The following GNB5 variants were observed in gnomAD, a reference collection of about 807,000 sequenced individuals.
The protein encoded by GNB5 is guanine nucleotide-binding protein subunit beta-5.
Under a neutral mutation model 55.3 loss-of-function variants are expected in GNB5, and 37 were observed. The observed-to-expected ratio is 0.67, with a 90% CI of 0.51 to 0.88. GNB5 has a LOEUF of 0.88. Among genes scored for constraint, GNB5 ranks in the 40% least tolerant of loss-of-function variants. The pLI is 0.00. For missense variants in GNB5, 476 were observed against 515.3 expected, an observed-to-expected ratio of 0.92 and a Z score of 0.74; for synonymous variants, 219 against 198.5, an observed-to-expected ratio of 1.10 and a Z score of -0.87.
chr15:52,183,333 T>TGGCG (rs1566951750), intron 2 of GNB5, among the ~76,000 whole-genome samples: 4 of 145,316 alleles, frequency 2.8e-5, no homozygotes, highest in African/African-American at 1.0e-4. Context: ...TAATAAATAA[T>TGGCG]GGGGGGGGGG....
chr15:52,116,349 C>G lies in GNB5; in HGVS notation c.*6408G>C, dbSNP rs151019848. The G allele has an allele frequency of 6.6e-5, 10 of 152,328 alleles. No homozygotes were observed. The highest frequency in any genetic ancestry group is 2.4e-4 in the African/African-American group (10 of 41,580). The allele number at this position is 152,328 out of a possible 1,614,324, so 9.4% of individuals were successfully genotyped here. A position where few individuals can be genotyped will look rare whatever the true frequency, so the allele number is the denominator to read the frequency against. ...TACATAAACGCTCATACCATACTTACGATTAGTTGTTTATGTGGGTTAAAT... is the reference window on the plus strand; with the variant it reads ...TACATAAACGCTCATACCATACTTAGGATTAGTTGTTTATGTGGGTTAAAT... On this transcript the variant is annotated 3_prime_UTR_variant, in exon 13 of 13. Transcript: ENST00000261837.
At chr15:52,136,126 A>AGGGAAAAG (rs2141194792) in intron 7 of GNB5, among the ~76,000 whole-genome samples, 1 of 80,572 alleles carries the variant, frequency 1.2e-5, no homozygotes, top group South Asian at 5.0e-4. Context: ...ACACACACAC[A>AGGGAAAAG]CACACACACA....
chr15:52,150,180 C>T (rs754740514), intron 4 of GNB5, among the ~76,000 whole-genome samples: 48 of 152,196 alleles, frequency 3.2e-4, no homozygotes, highest in Admixed American at 2.3e-3. Context: ...CAGGAAACAA[C>T]ACGCAGACAC....
intron 3 of GNB5, among the ~76,000 whole-genome samples, chr15:52,166,686 T>G (rs2034457666): frequency 6.6e-6 from 1 of 152,012 alleles, no homozygotes; most frequent in African/African-American, 2.4e-5. Flanking sequence ...GCTAAAGCAG[T>G]GTTAAGAGGG....
rs1244393187 is a variant in GNB5, at chr15:52,190,812, A to C, written c.-19+510T>G. Among the ~76,000 whole-genome samples the C allele has an allele frequency of 6.6e-5, 6 of 90,270 alleles. 1 individual carries two copies. Among genetic ancestry groups the C allele is most frequent in the African/African-American group, 1.2e-4 (3 of 25,738 alleles). The allele number at this position is 90,270 out of a possible 152,430, so 59.2% of individuals were successfully genotyped here. A position where few individuals can be genotyped will look rare whatever the true frequency, so the allele number is the denominator to read the frequency against. ...AAAAAAAAAAAAAAAAAAAAAAAAA[A>C]AAAAAACATAAATGTCATAGCAGCT... On this transcript the variant is annotated intron_variant, in intron 1 of 12. Coordinates refer to ENST00000261837, the MANE Select transcript of GNB5 (RefSeq NM_016194.4).
chr15:52,167,497 C>T (rs2034472754), intron 3 of GNB5, among the ~76,000 whole-genome samples: 1 of 152,066 alleles, frequency 6.6e-6, no homozygotes, highest in South Asian at 2.1e-4. Flanking sequence ...TGGTGAAACT[C>T]TGTCTCTACT....
intron 4 of GNB5, among the ~76,000 whole-genome samples, chr15:52,153,442 A>G (rs1194424436): frequency 6.6e-5 from 10 of 152,208 alleles, no homozygotes; most frequent in African/African-American, 2.4e-4. Flanking sequence ...CGAGATAATT[A>G]AGCTGCTAAA....
chr15:52,136,172 A>ACACCC (rs1168734914), intron 7 of GNB5, among the ~76,000 whole-genome samples: 15 of 100,114 alleles, frequency 1.5e-4, no homozygotes, highest in South Asian at 6.7e-4. Context: ...ACACACACAC[A>ACACCC]CCCTACCTGC....
chr15:52,139,938 G>A, intron 7 of GNB5: 1 of 1,285,746 alleles, frequency 7.8e-7, no homozygotes, highest in Non-Finnish European at 1.0e-6. Flanking sequence ...CCTTCATCCA[G>A]CCTAAATGTC....
At chr15:52,187,585 G>A (rs2034863300) in intron 1 of GNB5, among the ~76,000 whole-genome samples, 1 of 152,140 alleles carries the variant, frequency 6.6e-6, no homozygotes. Context: ...TAGAGGCAAT[G>A]TTTTTCTTCT....
intron 9 of GNB5, among the ~76,000 whole-genome samples, chr15:52,132,631 T>G (rs8036771): frequency 0.19 from 27,874 of 145,676 alleles, 3,108 homozygotes; most frequent in African/African-American, 0.29. Flanking sequence ...CACCATGCCC[T>G]GCTAATTTTT....
chr15:52,126,044 ACT>A lies in GNB5; in HGVS notation c.913-2_913-1del. On this transcript the variant is annotated splice_acceptor_variant, in intron 10 of 12. Coordinates refer to ENST00000261837, the MANE Select transcript of GNB5 (RefSeq NM_016194.4). LOFTEE classifies it high-confidence loss of function. Reference sequence around the variant, plus strand: ...TCTGCCCGCAGGTCATAGAGGCGACACTGGGGAGCAAATAAATAAAGAAGCAC... The same window carrying A: ...TCTGCCCGCAGGTCATAGAGGCGACAGGGGAGCAAATAAATAAAGAAGCAC... 1 of 1,473,630 alleles carries A rather than the reference ACT, an allele frequency of 6.8e-7. No homozygotes were observed. Among genetic ancestry groups the A allele is most frequent in the East Asian group, 2.3e-5 (1 of 44,148 alleles). 91.3% of individuals were successfully genotyped at this position (1,473,630 alleles called of 1,614,324 possible).
In GNB5 at chr15:52,179,755, G is replaced by C. The variant is rs1385418928; in HGVS notation, c.238+13C>G. 7.7e-7 allele frequency: 1 copy of C among 1,305,140 alleles called. No individual in the cohort carries two copies. 80.8% of individuals were successfully genotyped at this position (1,305,140 alleles called of 1,614,324 possible). ...GTCCGGCTTGCCCCGCCCGCCTCCC[G>C]GCCCGCACTCACGCTCCACATCGTG... On this transcript the variant is annotated intron_variant, in intron 3 of 12. Transcript: ENST00000261837.
intron 3 of GNB5, among the ~76,000 whole-genome samples, chr15:52,161,736 C>A (rs1021939824): frequency 6.6e-6 from 1 of 152,222 alleles, no homozygotes; most frequent in African/African-American, 2.4e-5. Context: ...CAGAAGAGAC[C>A]TGAATGACTC....
intron 9 of GNB5, chr15:52,128,627 C>T (rs2033490874): frequency 4.0e-6 from 2 of 499,044 alleles, no homozygotes; most frequent in Admixed American, 4.6e-5. Context: ...TGGATGTCTG[C>T]ACTGACCATT....
Position 52,117,102 on chromosome 15 carries a change from A to ATATATATATATATTTTTTT in GNB5, c.*5654_*5655insAAAAAAATATATATATATA. The ATATATATATATATTTTTTT allele has an allele frequency of 2.3e-5, 2 of 87,100 alleles. No individual in the cohort carries two copies. The highest frequency in any genetic ancestry group is 6.1e-5 in the African/African-American group (1 of 16,418). 5.4% of individuals were successfully genotyped at this position (87,100 alleles called of 1,614,324 possible). On this transcript the variant is annotated 3_prime_UTR_variant, in exon 13 of 13. Coordinates refer to ENST00000261837, the MANE Select transcript of GNB5 (RefSeq NM_016194.4). ...CCACGCCCAGCTAATATATATATAT[A>ATATATATATATATTTTTTT]TTTTTTTTTAGTACAGACAGGGTTT...
intron 7 of GNB5, chr15:52,137,442 G>A (rs920617228): frequency 3.9e-6 from 4 of 1,017,794 alleles, no homozygotes; most frequent in African/African-American, 3.4e-5. Context: ...AGGTGAGCCC[G>A]TTCACAGGTG....
intron 5 of GNB5, among the ~76,000 whole-genome samples, chr15:52,148,514 G>A (rs2034024614): frequency 6.6e-6 from 1 of 152,206 alleles, no homozygotes; most frequent in African/African-American, 2.4e-5. Context: ...ACCAGGACCA[G>A]GGTCCACGTC....
chr15:52,175,258 C>A (rs1938829891), intron 3 of GNB5, among the ~76,000 whole-genome samples: 1 of 152,176 alleles, frequency 6.6e-6, no homozygotes, highest in African/African-American at 2.4e-5. Context: ...GGGGAATAAA[C>A]CATACCCCTC....
Sources: allele counts gnomAD v4.1 joint callset (sites outside exome capture counted in the v4.1 genomes callset), GRCh38; gene constraint gnomAD v4.1.1; transcripts MANE v1.5; gene names NCBI Gene and HGNC (gene_info 2026-07-23, HGNC 2026-07-21).